Variants in SPATA13 observed in about 807,000 individuals in gnomAD.
SPATA13 encodes the protein spermatogenesis-associated protein 13.
SPATA13 carries 50 observed loss-of-function variants against 104.0 expected under a neutral mutation model. That is an observed-to-expected ratio of 0.48 (90% confidence interval 0.38 to 0.61). The LOEUF (loss-of-function observed/expected upper bound fraction) is 0.61, where lower values mean the gene tolerates loss of function less well. SPATA13 is among the 20% of genes least tolerant of loss of function. SPATA13 has a pLI of 0.00. For missense variants in SPATA13, 1,524 were observed against 1,690.6 expected (o/e 0.90, Z 1.73); for synonymous variants, 606 against 667.5 (o/e 0.91, Z 1.42).
chr13:24,156,935 T>G (rs148342383), upstream of SPATA13, among the ~76,000 whole-genome samples: 78 of 152,264 alleles, frequency 5.1e-4, 1 homozygote, highest in East Asian at 0.014. Context: ...CCCTGCCACC[T>G]TCACAACCAA....
intron 3 of SPATA13, among the ~76,000 whole-genome samples, chr13:24,064,706 A>G (rs1400714976): frequency 1.3e-5 from 2 of 152,142 alleles, no homozygotes; most frequent in African/African-American, 2.4e-5. Flanking sequence ...TACCCAGTCT[A>G]TGGTACTTTG....
At position 24,011,202 on chromosome 13, in the gene SPATA13, C is replaced by T. The variant is rs58212859; in HGVS notation, c.-146-6465C>T. ...CGAGACCCATCTTGCCTGGGTGCCACCTCCCAGCCTGGATCAGCACTCGGA... is the reference window on the plus strand; with the variant it reads ...CGAGACCCATCTTGCCTGGGTGCCATCTCCCAGCCTGGATCAGCACTCGGA... On this transcript the variant is annotated intron_variant, in intron 2 of 14. Coordinates refer to the SPATA13 transcript ENST00000424834. The surrounding 1 kb of genome is among the most constrained non-coding windows in gnomAD (Gnocchi z 4.3). Among the ~76,000 whole-genome samples, 6,149 of 151,970 alleles carry T rather than the reference C, an allele frequency of 0.04. 392 individuals are homozygous for T. The highest frequency in any genetic ancestry group is 0.14 in the African/African-American group (5,741 of 41,426).
intron 3 of SPATA13, among the ~76,000 whole-genome samples, chr13:24,110,512 C>A (rs1880604598): frequency 6.6e-6 from 1 of 152,220 alleles, no homozygotes; most frequent in Admixed American, 6.5e-5. Flanking sequence ...TCACTTGAAT[C>A]TGCATCAGCC....
intron 4 of SPATA13, among the ~76,000 whole-genome samples, chr13:24,278,975 TCCCTCC>T (rs1875263391): frequency 2.9e-5 from 1 of 34,522 alleles, no homozygotes; most frequent in Non-Finnish European, 6.3e-5. Context: ...CCTCCTTCCC[TCCCTCC>T]CTCCCTCCCT....
At chr13:24,021,065 C>T (rs917969133) in intron 3 of SPATA13, among the ~76,000 whole-genome samples, 1 of 152,104 alleles carries the variant, frequency 6.6e-6, no homozygotes, top group Non-Finnish European at 1.5e-5. Flanking sequence ...TGGAGTGGCT[C>T]ATAAACATGT....
intron 3 of SPATA13, among the ~76,000 whole-genome samples, chr13:24,105,595 T>C (rs1341931283): frequency 6.6e-6 from 1 of 152,080 alleles, no homozygotes; most frequent in Non-Finnish European, 1.5e-5. Flanking sequence ...TTGAAGCAGC[T>C]AAAATAGGCC....
At chr13:24,201,044 CACACACACACACACACACACACAG>C (rs1238369996) in intron 1 of SPATA13, among the ~76,000 whole-genome samples, 1 of 31,264 alleles carries the variant, frequency 3.2e-5, no homozygotes, top group Non-Finnish European at 1.7e-4. Flanking sequence ...CACACACACA[CACACACACACACACACACACACAG>C]AGTTTGGATT....
Position 24,140,286 on chromosome 13 carries a change from T to A in SPATA13, c.-111-82533T>A, listed in dbSNP as rs972057301. Among the ~76,000 whole-genome samples, 14 of 152,308 alleles carry A rather than the reference T, an allele frequency of 9.2e-5. No homozygotes were observed. The East Asian group carries it at 2.5e-3, about 27-fold the overall frequency. ...GTAATCTGTGAACACCACGGTGGGT[T>A]CTGGGGAGGTCAAGAGCTCTGATGC... On this transcript the variant is annotated intron_variant, in intron 3 of 14. Coordinates refer to the SPATA13 transcript ENST00000424834.
rs188058436 is a variant in SPATA13 at position 24,138,840 on chromosome 13, C to T, written c.-111-83979C>T. ...CTGCTGGGTTCAAGTAATCCTCCTG[C>T]CTTGGCCTCCCAAAGTGCTGGGAAC... is the stretch of plus-strand genomic sequence containing the variant. On this transcript the variant is annotated intron_variant, in intron 3 of 14. Coordinates refer to the SPATA13 transcript ENST00000424834. Among the ~76,000 whole-genome samples, 875 of 151,522 alleles carry T rather than the reference C, an allele frequency of 5.8e-3. 10 individuals carry two copies. The highest frequency in any genetic ancestry group is 0.02 in the African/African-American group (841 of 41,148).
At chr13:24,084,137 G>A (rs1474124675) in intron 3 of SPATA13, among the ~76,000 whole-genome samples, 1 of 152,204 alleles carries the variant, frequency 6.6e-6, no homozygotes, top group Non-Finnish European at 1.5e-5. Flanking sequence ...GAGCTCCCAA[G>A]CCTGATCCTA....
intron 3 of SPATA13, among the ~76,000 whole-genome samples, chr13:24,112,978 A>G (rs1880696924): frequency 6.6e-6 from 1 of 152,164 alleles, no homozygotes; most frequent in Non-Finnish European, 1.5e-5. Flanking sequence ...GGGGCTACTT[A>G]CTGTAATGAG....
At chr13:24,185,828 G>GAC (rs1869116254) in intron 1 of SPATA13, among the ~76,000 whole-genome samples, 1 of 151,604 alleles carries the variant, frequency 6.6e-6, no homozygotes, top group African/African-American at 2.4e-5. Context: ...CAGAGAGAGA[G>GAC]AGAGAGATTA....
chr13:23,993,679 A>C (rs1875525352), intron 2 of SPATA13, among the ~76,000 whole-genome samples: 1 of 152,178 alleles, frequency 6.6e-6, no homozygotes, highest in Non-Finnish European at 1.5e-5. Flanking sequence ...ATAAGTGAGA[A>C]TTTACCTAGG....
At chr13:24,236,238 CAG>C in intron 2 of SPATA13, among the ~76,000 whole-genome samples, 1 of 152,162 alleles carries the variant, frequency 6.6e-6, no homozygotes, top group East Asian at 1.9e-4. Context: ...GCATCTACTT[CAG>C]AGAGTTTTTA....
chr13:24,219,994 T>G (rs1350048530), intron 1 of SPATA13, among the ~76,000 whole-genome samples: 1 of 152,158 alleles, frequency 6.6e-6, no homozygotes, highest in African/African-American at 2.4e-5. Flanking sequence ...GTCCCCCAAA[T>G]GTACTGCCTC....
chr13:24,012,659 C>T (rs963124053), intron 2 of SPATA13, among the ~76,000 whole-genome samples: 24 of 152,342 alleles, frequency 1.6e-4, no homozygotes, highest in Admixed American at 1.4e-3. Context: ...CTTCCGCAGC[C>T]AACCCCCAAG....
At chr13:24,146,445 G>T (rs781642935) in intron 3 of SPATA13, among the ~76,000 whole-genome samples, 1 of 152,190 alleles carries the variant, frequency 6.6e-6, no homozygotes, top group Non-Finnish European at 1.5e-5. Context: ...CAAGAAATTC[G>T]TTGGCTTTCA....
At chr13:24,101,943 G>A (rs1222905586) in intron 3 of SPATA13, among the ~76,000 whole-genome samples, 2 of 152,208 alleles carry the variant, frequency 1.3e-5, no homozygotes, top group East Asian at 1.9e-4. Context: ...CAACACACAT[G>A]GGTGGGCGAA....
At chr13:23,982,160 C>T (rs945292712) in intron 1 of SPATA13, among the ~76,000 whole-genome samples, 1 of 152,084 alleles carries the variant, frequency 6.6e-6, no homozygotes, top group African/African-American at 2.4e-5. Context: ...TTTTTATTAA[C>T]TTTTTAAATT....
Sources: allele counts gnomAD v4.1 joint callset (sites outside exome capture counted in the v4.1 genomes callset), GRCh38; gene constraint gnomAD v4.1.1; non-coding constraint Gnocchi (gnomAD v3.1); transcripts MANE v1.5; gene names NCBI Gene and HGNC (gene_info 2026-07-23, HGNC 2026-07-21).